FBXW5: variants seen among roughly 807,000 people sequenced by gnomAD.
The protein encoded by FBXW5 is F-box and WD repeat domain containing 5, also known as F-box/WD repeat-containing protein 5.
Under a neutral mutation model 50.9 loss-of-function variants are expected in FBXW5, and 74 were observed. The ratio of observed to expected loss-of-function variants is 1.45; its 90% CI spans 1.20 to 1.76. FBXW5 has a LOEUF of 1.76. Ranked by LOEUF, FBXW5 falls within the 40% of genes most tolerant of loss-of-function variation. FBXW5 has a pLI of 0.00. For missense variants in FBXW5, 1,073 were observed against 818.8 expected (o/e 1.31, Z -3.79); for synonymous variants, 523 against 362.2 (o/e 1.44, Z -5.04).
At position 136,944,033 on chromosome 9, in the gene FBXW5, G is replaced by A. The variant is rs762883039; in HGVS notation, c.51C>T (p.Ile17=). 1.9e-6 allele frequency: 3 copies of A among 1,604,596 alleles called. No individual in the cohort carries two copies. Among genetic ancestry groups the A allele is most frequent in the Non-Finnish European group, 2.6e-6 (3 of 1,176,366 alleles). Residue 17 remains isoleucine (I), a synonymous_variant, in exon 2 of 9, where the codon ATC becomes ATT. Transcript: ENST00000325285. The stretch of plus-strand genomic sequence containing the variant: ...CGTCGGCCGGGCCCAGGCTCAGGAA[G>A]ATCTGGTAGACCAGGCTGTCGGGGA... ...PLLPDSLVYQ[I]FLSLGPADVL...
rs199987293 is a variant in FBXW5, at chr9:136,942,817, G to A, written c.478C>T (p.Leu160=). 3.7e-5 allele frequency: 59 copies of A among 1,613,290 alleles called. No individual in the cohort carries two copies. The highest frequency in any genetic ancestry group is 1.6e-4 in the Middle Eastern group (1 of 6,062). The change falls in exon 4 of 9, where the codon CTG becomes TTG. Residue 160 remains leucine (L), a synonymous_variant. Coordinates refer to ENST00000325285, the MANE Select transcript of FBXW5 (RefSeq NM_018998.4). Reference sequence around the variant, plus strand: ...CCGGATGAGGAGTTGTGCGGCCCCAGGAACACCCCCGAGGCCAGCAGTAGC... The same window carrying A: ...CCGGATGAGGAGTTGTGCGGCCCCAAGAACACCCCCGAGGCCAGCAGTAGC... ...DSLLLASGVF[L]GPHNSSSGEI...
chr9:136,942,902 C>G lies in FBXW5; in HGVS notation c.393G>C (p.Ala131=). The G allele has an allele frequency of 1.9e-6, 3 of 1,613,494 alleles. No homozygotes were observed. The highest frequency in any genetic ancestry group is 2.5e-6 in the Non-Finnish European group (3 of 1,179,958). Reference sequence around the variant, plus strand: ...AGCTCCAGTTGTAGGGCCGCATGTCCGCGCTGTGCAGCAGCGAGATGGTCA... The same window carrying G: ...AGCTCCAGTTGTAGGGCCGCATGTCGGCGCTGTGCAGCAGCGAGATGGTCA... ...NDLTISLLHS[A]DMRPYNWSYT... is the part of the protein sequence containing the mutation. The change falls in exon 4 of 9, where the codon GCG becomes GCC. Residue 131 remains alanine (A), a synonymous_variant. Transcript: ENST00000325285.
In FBXW5 at chr9:136,942,632, G is replaced by A. The variant is rs1449820444; in HGVS notation, c.590C>T (p.Thr197Ile). The A allele has an allele frequency of 6.2e-7, 1 of 1,609,766 alleles. No individual in the cohort carries two copies. The highest frequency in any genetic ancestry group is 8.5e-7 in the Non-Finnish European group (1 of 1,178,694). ...KPYDVFGCWL[T>I]ETSLISGNLH... ...GTTCCCCGAGATGAGGCTGGTCTCG[G>A]TGAGCCAACAGCCAAACACGTCATA... Residue 197 changes from threonine to isoleucine, a missense_variant, in exon 5 of 9, where the codon ACC (threonine) becomes ATC (isoleucine). Physicochemically the swap from Thr to Ile is moderately conservative, Grantham distance 89. Coordinates refer to ENST00000325285, the MANE Select transcript of FBXW5 (RefSeq NM_018998.4).
At chr9:136,943,645 G>A (rs1237344611) in intron 2 of FBXW5, 139 bp from the exon 3 acceptor site, 9 of 1,248,922 alleles carry the variant, frequency 7.2e-6, no homozygotes, top group Middle Eastern at 2.8e-4. Context: ...CTCGGCTGGG[G>A]GATTCAACCC....
intron 2 of FBXW5, 27 bp from the exon 3 acceptor site, chr9:136,943,533 G>C: frequency 6.3e-7 from 1 of 1,596,112 alleles, no homozygotes. Context: ...GTCAGTCCTG[G>C]GCCCGGGCCT....
At chr9:136,941,484 T>TA in intron 7 of FBXW5, 21 bp from the exon 8 acceptor site, 1 of 1,605,920 alleles carries the variant, frequency 6.2e-7, no homozygotes, top group Non-Finnish European at 8.5e-7. Context: ...GGCACTGTGC[T>TA]AGGTGTGGGC....
Position 136,942,679 on chromosome 9 carries a change from C to T in FBXW5, c.543G>A (p.Leu181=), listed in dbSNP as rs1564435627. 1 of 1,610,740 alleles carries T rather than the reference C, an allele frequency of 6.2e-7. No homozygotes were observed. Among genetic ancestry groups the T allele is most frequent in the East Asian group, 2.2e-5 (1 of 44,786 alleles). The part of the protein sequence containing the change: ...AVISLDSFAL[L]SRVRNKPYDV... ...CATAGGGCTTGTTCCGCACGCGGGA[C>T]AGCAGCGCGAAGGAGTCTGTGGGGA... Residue 181 remains leucine, a synonymous_variant, in exon 5 of 9, where the codon CTG becomes CTA. Coordinates refer to ENST00000325285, the MANE Select transcript of FBXW5 (RefSeq NM_018998.4).
chr9:136,941,790 G>C, intron 6 of FBXW5, 106 bp from the exon 7 acceptor site: 1 of 1,459,632 alleles, frequency 6.9e-7, no homozygotes, highest in Non-Finnish European at 9.0e-7. Flanking sequence ...GCACCACAGA[G>C]GTCCGTGGGC....
chr9:136,940,896 G>A lies in FBXW5; in HGVS notation c.*32C>T, dbSNP rs779731074. The A allele has an allele frequency of 1.0e-5, 16 of 1,565,806 alleles. No individual in the cohort carries two copies. The highest frequency in any genetic ancestry group is 1.3e-5 in the Non-Finnish European group (15 of 1,158,460). On this transcript the variant is annotated 3_prime_UTR_variant, in exon 9 of 9. Coordinates refer to ENST00000325285, the MANE Select transcript of FBXW5 (RefSeq NM_018998.4). ...ACAGAGCCTGGCGATGTCCTCAAGG[G>A]GTCCCGGTGGCTCCAGTGCACCCAG... is the stretch of plus-strand genomic sequence containing the variant.
chr9:136,941,965 G>C, intron 6 of FBXW5, 81 bp downstream of exon 6: 1 of 1,477,604 alleles, frequency 6.8e-7, no homozygotes, highest in Non-Finnish European at 9.0e-7. Flanking sequence ...GGACTTGCTT[G>C]CTGTCTGCCC....
In FBXW5 at chr9:136,944,729, G is replaced by T; in HGVS notation, c.-159C>A. On this transcript the variant is annotated 5_prime_UTR_variant, in exon 1 of 9. Coordinates refer to ENST00000325285, the MANE Select transcript of FBXW5 (RefSeq NM_018998.4). ...CCGACGCCACGAGCCCCGAGGCATC[G>T]ATGGCCGAGGAAGGCAGAGCGCGCG... 2.0e-6 allele frequency: 2 copies of T among 985,598 alleles called. No homozygotes were observed. Among genetic ancestry groups the T allele is most frequent in the Non-Finnish European group, 2.4e-6 (2 of 829,908 alleles). 61.1% of individuals were successfully genotyped at this position (985,598 alleles called of 1,614,324 possible).
At position 136,943,439 on chromosome 9, in the gene FBXW5, C is replaced by T. The variant is rs780820222; in HGVS notation, c.261G>A (p.Thr87=). The change falls in exon 3 of 9, where the codon ACG becomes ACA. Residue 87 remains threonine (T), a synonymous_variant. Transcript: ENST00000325285. ...YDTVPCVEVQ[T]LREHTDQVLH... ...GGACCTGGTCTGTGTGTTCCCGCAGCGTCTGCACCTCCACGCAGGGCACCG... is the reference window on the plus strand; with the variant it reads ...GGACCTGGTCTGTGTGTTCCCGCAGTGTCTGCACCTCCACGCAGGGCACCG... 3.1e-5 allele frequency: 50 copies of T among 1,612,714 alleles called. No individual in the cohort carries two copies. Among genetic ancestry groups the T allele is most frequent in the Admixed American group, 5.0e-5 (3 of 59,990 alleles).
intron 6 of FBXW5, 46 bp from the exon 7 acceptor site, chr9:136,941,730 A>G (rs1041668485): frequency 5.9e-6 from 9 of 1,526,974 alleles, no homozygotes; most frequent in African/African-American, 1.4e-5. Context: ...TGCCCCAAGG[A>G]CATCACTCCA....
At position 136,942,550 on chromosome 9, in the gene FBXW5, G is replaced by A. The variant is rs1284347105; in HGVS notation, c.672C>T (p.Phe224=). Residue 224 remains phenylalanine, a synonymous_variant, in exon 5 of 9, where the codon TTC becomes TTT. Coordinates refer to ENST00000325285, the MANE Select transcript of FBXW5 (RefSeq NM_018998.4). ...CCGCCCCTAGCCCCGCACGCACCTG[G>A]AAGGCATTGTTGAGCCACAGCACCG... The part of the protein sequence containing the change: ...SCSVLWLNNA[F]QDVESENVNV... The A allele has an allele frequency of 1.9e-6, 3 of 1,610,740 alleles. No homozygotes were observed. The Admixed American group carries it at 5.0e-5, about 27-fold the overall frequency.
rs202168534 is a variant in FBXW5, at chr9:136,942,894, C to T, written c.401G>A (p.Arg134Gln). 3.2e-5 allele frequency: 51 copies of T among 1,613,334 alleles called. No homozygotes were observed. The highest frequency in any genetic ancestry group is 1.2e-4 in the Admixed American group (7 of 59,996). ...CTGGGTGTAGCTCCAGTTGTAGGGC[C>T]GCATGTCCGCGCTGTGCAGCAGCGA... The part of the protein sequence containing the change: ...TISLLHSADM[R>Q]PYNWSYTQFS... The change falls in exon 4 of 9, where the codon CGG becomes CAG. Residue 134 changes from arginine (R) to glutamine (Q), a missense_variant. Transcript: ENST00000325285.
At position 136,940,772 on chromosome 9, in the gene FBXW5, G is replaced by C. The variant is rs534102241; in HGVS notation, c.*156C>G. ...CCCGTGCCAAGCATCACAGCTGCGT[G>C]AGCAGGTTTGTGTGTGAGCGTGTGG... is the stretch of plus-strand genomic sequence containing the variant. On this transcript the variant is annotated 3_prime_UTR_variant, in exon 9 of 9. Coordinates refer to ENST00000325285, the MANE Select transcript of FBXW5 (RefSeq NM_018998.4). 5 of 1,207,590 alleles carry C rather than the reference G, an allele frequency of 4.1e-6. No homozygotes were observed. In the African/African-American group the frequency reaches 4.6e-5, roughly 11 times the overall value. The allele number at this position is 1,207,590 out of a possible 1,614,324, so 74.8% of individuals were successfully genotyped here.
Position 136,942,277 on chromosome 9 carries a change from C to A in FBXW5, c.865G>T (p.Val289Leu). 6.3e-7 allele frequency: 1 copy of A among 1,585,014 alleles called. No homozygotes were observed. Among genetic ancestry groups the A allele is most frequent in the Non-Finnish European group, 8.6e-7 (1 of 1,166,554 alleles). The change falls in exon 6 of 9, where the codon GTG becomes TTG. Residue 289 changes from valine to leucine, a missense_variant. Val to Leu is a conservative substitution (Grantham distance 32). Transcript: ENST00000325285. ...IFDLGSDNEE[V>L]VAGPAPAHAK... ...TGGGCGGGGGCCGGGCCAGCCACCA[C>A]CTCCTCGTTGTCGCTGCCCAGGTCA...
chr9:136,942,063 T>G lies in FBXW5; in HGVS notation c.1079A>C (p.Tyr360Ser). ...YLIFTTGCLT[Y>S]SPHQIGIKQI... The stretch of plus-strand genomic sequence containing the variant: ...GGGTGTACCGATCTGGTGTGGGGAG[T>G]AGGTGAGGCAGCCAGTGGTGAAGAT... The change falls in exon 6 of 9, where the codon TAC (tyrosine) becomes TCC (serine). Residue 360 changes from tyrosine to serine, a missense_variant. By Grantham distance (144) the Tyr-to-Ser change is moderately radical. Transcript: ENST00000325285. 1 of 1,608,036 alleles carries G rather than the reference T, an allele frequency of 6.2e-7. No individual in the cohort carries two copies. Among genetic ancestry groups the G allele is most frequent in the Non-Finnish European group, 8.5e-7 (1 of 1,176,238 alleles).
rs1253673623 is a variant in FBXW5 at position 136,940,904 on chromosome 9, T to G, written c.*24A>C. The G allele has an allele frequency of 1.9e-6, 3 of 1,570,706 alleles. No homozygotes were observed. ...TGGCGATGTCCTCAAGGGGTCCCGG[T>G]GGCTCCAGTGCACCCAGCACACCTC... On this transcript the variant is annotated 3_prime_UTR_variant, in exon 9 of 9. Transcript: ENST00000325285.
Sources: gnomAD v4.1 joint callset for allele counts on GRCh38, gnomAD v4.1.1 for gene constraint, MANE v1.5 for transcripts, NCBI Gene and HGNC (gene_info 2026-07-23, HGNC 2026-07-21) for gene names.